Variants in PDSS2 observed in about 807,000 individuals in gnomAD.
The protein encoded by PDSS2 is all trans-polyprenyl-diphosphate synthase PDSS2.
PDSS2 carries 31 observed loss-of-function variants against 44.5 expected under a neutral mutation model. That is an observed-to-expected ratio of 0.70 (90% CI 0.52 to 0.94). The LOEUF (loss-of-function observed/expected upper bound fraction) is 0.94. Among genes scored for constraint, PDSS2 ranks in the 40% least tolerant of loss-of-function variants. PDSS2 has a pLI of 0.00. For missense variants in PDSS2, 452 were observed against 482.2 expected, an observed-to-expected ratio of 0.94 and a Z score of 0.59; for synonymous variants, 157 against 180.3, an observed-to-expected ratio of 0.87 and a Z score of 1.03.
intron 1 of PDSS2, among the ~76,000 whole-genome samples, chr6:107,353,165 GA>G (rs942115160): frequency 6.7e-6 from 1 of 149,292 alleles, no homozygotes; most frequent in African/African-American, 2.5e-5. Context: ...TTAAGACACT[GA>G]AAAAAAAAGA....
intron 3 of PDSS2, among the ~76,000 whole-genome samples, chr6:107,271,836 C>T (rs1332897681): frequency 2.6e-5 from 4 of 151,956 alleles, no homozygotes; most frequent in African/African-American, 9.7e-5. Context: ...AGGAGGATTT[C>T]GTGAGCCCAG....
intron 1 of PDSS2, among the ~76,000 whole-genome samples, chr6:107,383,812 G>A (rs1041166934): frequency 5.9e-5 from 9 of 152,112 alleles, no homozygotes; most frequent in Admixed American, 2.0e-4. Flanking sequence ...GTGGAGAAAT[G>A]GAACCTTCAT....
At chr6:107,386,685 G>T (rs570075479) in intron 1 of PDSS2, among the ~76,000 whole-genome samples, 1 of 152,284 alleles carries the variant, frequency 6.6e-6, no homozygotes, top group African/African-American at 2.4e-5. Flanking sequence ...CAGGATTAGG[G>T]TACAGCAGAC....
intron 1 of PDSS2, among the ~76,000 whole-genome samples, chr6:107,416,887 C>CA (rs962752278): frequency 0.012 from 1,686 of 139,450 alleles, 13 homozygotes; most frequent in African/African-American, 0.021. Flanking sequence ...AGAAGAACTA[C>CA]AAAAAAAAAA....
chr6:107,258,422 T>C (rs1216006075), intron 3 of PDSS2, among the ~76,000 whole-genome samples: 2 of 150,606 alleles, frequency 1.3e-5, no homozygotes. Context: ...CCAGCAAGGA[T>C]CTAAGAGATG....
intron 3 of PDSS2, among the ~76,000 whole-genome samples, chr6:107,253,315 C>A (rs538146867): frequency 6.6e-6 from 1 of 152,178 alleles, no homozygotes; most frequent in Non-Finnish European, 1.5e-5. Flanking sequence ...GGATTACAGG[C>A]GTGAGCCACT....
chr6:107,281,988 C>T (rs1025275391), intron 2 of PDSS2, among the ~76,000 whole-genome samples: 1 of 152,140 alleles, frequency 6.6e-6, no homozygotes, highest in African/African-American at 2.4e-5. Context: ...TCACTGAAAC[C>T]TCCACCCCCT....
chr6:107,321,972 A>G (rs2115175459), intron 2 of PDSS2, among the ~76,000 whole-genome samples: 1 of 152,250 alleles, frequency 6.6e-6, no homozygotes. Context: ...TCCCTTGATC[A>G]CTACTTTCTC....
chr6:107,323,510 T>C (rs1447853086), intron 2 of PDSS2, among the ~76,000 whole-genome samples: 2 of 152,180 alleles, frequency 1.3e-5, no homozygotes, highest in African/African-American at 4.8e-5. Flanking sequence ...AGTAACTTAC[T>C]TAAGGTCAAA....
intron 7 of PDSS2, among the ~76,000 whole-genome samples, chr6:107,161,917 T>C (rs1461493611): frequency 1.3e-5 from 2 of 152,232 alleles, no homozygotes; most frequent in Admixed American, 1.3e-4. Context: ...AAACCGCCGA[T>C]AGTGATATGC....
intron 1 of PDSS2, among the ~76,000 whole-genome samples, chr6:107,353,223 C>T (rs567110203): frequency 1.3e-5 from 2 of 152,180 alleles, no homozygotes; most frequent in Non-Finnish European, 2.9e-5. Flanking sequence ...TCTATACAGA[C>T]ACCAGGTTTG....
chr6:107,168,846 G>A (rs1771453922), intron 7 of PDSS2, among the ~76,000 whole-genome samples: 2 of 152,116 alleles, frequency 1.3e-5, no homozygotes, highest in Admixed American at 6.6e-5. Context: ...CGAGAGATCC[G>A]CTGTTAGTCT....
chr6:107,241,344 CTTTT>C (rs58623641), intron 4 of PDSS2, among the ~76,000 whole-genome samples: 1 of 78,006 alleles, frequency 1.3e-5, no homozygotes, highest in Non-Finnish European at 2.2e-5. Context: ...TCTTCTTCTT[CTTTT>C]TTTTTTTTTT....
intron 7 of PDSS2, chr6:107,192,262 A>T: frequency 2.5e-6 from 1 of 405,314 alleles, no homozygotes; most frequent in South Asian, 2.1e-5. Context: ...CCTATTATCT[A>T]GTTTTTCTTG....
Position 107,412,926 on chromosome 6 carries a change from T to C in PDSS2, c.296+46064A>G, listed in dbSNP as rs141349079. 2.7e-3 allele frequency among the ~76,000 whole-genome samples: 404 copies of C among 152,358 alleles called. 2 individuals are homozygous for C. Among genetic ancestry groups the C allele is most frequent in the African/African-American group, 9.4e-3 (389 of 41,582 alleles). On this transcript the variant is annotated intron_variant, in intron 1 of 7. Coordinates refer to ENST00000369037, the MANE Select transcript of PDSS2 (RefSeq NM_020381.4). Reference sequence around the variant, plus strand: ...TATTAGAGTCCATCCTTACTCCCACTGATATGAGATACTGCTTTTTACCAT... The same window carrying C: ...TATTAGAGTCCATCCTTACTCCCACCGATATGAGATACTGCTTTTTACCAT...
At chr6:107,164,104 T>C (rs1186937999) in intron 7 of PDSS2, among the ~76,000 whole-genome samples, 1 of 152,168 alleles carries the variant, frequency 6.6e-6, no homozygotes, top group Non-Finnish European at 1.5e-5. Flanking sequence ...TACCTACTCA[T>C]TGGGGCATGT....
intron 1 of PDSS2, among the ~76,000 whole-genome samples, chr6:107,410,395 GAC>G (rs375715793): frequency 3.3e-5 from 5 of 152,092 alleles, no homozygotes; most frequent in Admixed American, 1.3e-4. Flanking sequence ...TGTGCGCGCA[GAC>G]ACACACACAC....
intron 7 of PDSS2, among the ~76,000 whole-genome samples, chr6:107,189,975 C>G (rs947296924): frequency 1.3e-5 from 2 of 151,666 alleles, no homozygotes; most frequent in African/African-American, 4.8e-5. Context: ...TCCTAGTTAC[C>G]TGGGAGTCTG....
At chr6:107,271,614 T>G (rs17068109) in intron 3 of PDSS2, among the ~76,000 whole-genome samples, 8,021 of 152,298 alleles carry the variant, frequency 0.053, 381 homozygotes, top group South Asian at 0.15. Context: ...AGGAAAGAGT[T>G]AGCTGCCCCT....
Sources: allele counts gnomAD v4.1 joint callset (sites outside exome capture counted in the v4.1 genomes callset), GRCh38; gene constraint gnomAD v4.1.1; transcripts MANE v1.5; gene names NCBI Gene and HGNC (gene_info 2026-07-23, HGNC 2026-07-21).